SMYD3: variants seen among roughly 807,000 people sequenced by gnomAD.
The protein encoded by SMYD3 is SET and MYND domain containing 3, also known as histone-lysine N-methyltransferase SMYD3.
SMYD3 carries 36 observed loss-of-function variants against 57.7 expected under a neutral mutation model. The ratio of observed to expected loss-of-function variants is 0.62; its 90% CI spans 0.48 to 0.82. The LOEUF (loss-of-function observed/expected upper bound fraction) is 0.82, where lower values mean the gene tolerates loss of function less well. Among genes scored for constraint, SMYD3 ranks in the 40% least tolerant of loss-of-function variants. The pLI is 0.00. For synonymous variants in SMYD3, 211 were observed against 195.0 expected (o/e 1.08, Z -0.68); for missense variants, 515 against 538.8 (o/e 0.96, Z 0.44).
At chr1:245,955,162 G>A (rs1183222437) in intron 5 of SMYD3, among the ~76,000 whole-genome samples, 2 of 152,136 alleles carry the variant, frequency 1.3e-5, no homozygotes, top group African/African-American at 2.4e-5. Flanking sequence ...CGCGATCTCA[G>A]CTCACTGCAA....
At chr1:246,350,019 A>T (rs2065796993) in intron 2 of SMYD3, among the ~76,000 whole-genome samples, 1 of 152,242 alleles carries the variant, frequency 6.6e-6, no homozygotes, top group Non-Finnish European at 1.5e-5. Flanking sequence ...ACCATATGTC[A>T]TCCACAAGAA....
chr1:245,824,931 T>C (rs918488796), intron 10 of SMYD3, among the ~76,000 whole-genome samples: 3 of 151,008 alleles, frequency 2.0e-5, no homozygotes, highest in African/African-American at 7.3e-5. Flanking sequence ...CTCAGGAGGC[T>C]GAAGCAGGAA....
At chr1:246,111,689 C>T (rs964244135) in intron 5 of SMYD3, among the ~76,000 whole-genome samples, 1 of 152,178 alleles carries the variant, frequency 6.6e-6, no homozygotes, top group Non-Finnish European at 1.5e-5. Flanking sequence ...AAACGGTGCA[C>T]ATCCCCTTTG....
chr1:245,893,108 C>T (rs536657684), intron 8 of SMYD3, among the ~76,000 whole-genome samples: 2 of 152,242 alleles, frequency 1.3e-5, no homozygotes, highest in South Asian at 2.1e-4. Flanking sequence ...CACACAAACA[C>T]GTGAGAAAAC....
At chr1:245,978,394 C>T (rs2058506012) in intron 5 of SMYD3, among the ~76,000 whole-genome samples, 1 of 152,166 alleles carries the variant, frequency 6.6e-6, no homozygotes, top group Admixed American at 6.5e-5. Context: ...AAGTAAAATT[C>T]AACTAAGAGT....
intron 1 of SMYD3, among the ~76,000 whole-genome samples, chr1:246,474,828 G>A (rs2068007111): frequency 6.6e-6 from 1 of 152,126 alleles, no homozygotes; most frequent in Non-Finnish European, 1.5e-5. Flanking sequence ...TTTCCAAGAA[G>A]TTGCTACTGT....
chr1:246,452,369 T>G (rs916625058), intron 1 of SMYD3, among the ~76,000 whole-genome samples: 27 of 152,132 alleles, frequency 1.8e-4, no homozygotes, highest in Admixed American at 1.4e-3. Context: ...ATGGGTGGTG[T>G]TGTGCACCTG....
In SMYD3 at chr1:245,987,052, A is replaced by G. The variant is rs544778022; in HGVS notation, c.532-57115T>C. Among the ~76,000 whole-genome samples, 52 of 152,350 alleles carry G rather than the reference A, an allele frequency of 3.4e-4. 1 individual carries two copies. The highest frequency in any genetic ancestry group is 1.1e-3 in the African/African-American group (45 of 41,582). On this transcript the variant is annotated intron_variant, in intron 5 of 11. Transcript: ENST00000490107. ...TGCGGATGAATAGGAAAACGCTGAC[A>G]GATCCATGCGAGATAAAACGGATCA...
rs561206767 is a variant in SMYD3, at chr1:246,329,195, G to T, written c.394+1285C>A. Among the ~76,000 whole-genome samples the T allele has an allele frequency of 5.2e-4, 79 of 152,192 alleles. No individual in the cohort carries two copies. The East Asian group carries it at 0.011, about 22-fold the overall frequency. On this transcript the variant is annotated intron_variant, in intron 4 of 11. Transcript: ENST00000490107. ...TAGCAGCATGATTTATAGTCCTTTG[G>T]GTATATACCCAGTAATGGGATGGCT...
At chr1:245,956,774 G>T (rs749600249) in intron 5 of SMYD3, among the ~76,000 whole-genome samples, 23 of 152,198 alleles carry the variant, frequency 1.5e-4, no homozygotes, top group Non-Finnish European at 3.2e-4. Flanking sequence ...TTCCTTGCCT[G>T]CCAGCGAAGT....
At chr1:245,824,773 T>G (rs962322707) in intron 10 of SMYD3, among the ~76,000 whole-genome samples, 17 of 151,732 alleles carry the variant, frequency 1.1e-4, no homozygotes, top group Admixed American at 5.9e-4. Flanking sequence ...GGAGAATTGC[T>G]TGAACCCAGG....
At chr1:245,944,564 C>A (rs2057370056) in intron 5 of SMYD3, among the ~76,000 whole-genome samples, 1 of 152,152 alleles carries the variant, frequency 6.6e-6, no homozygotes, top group Admixed American at 6.5e-5. Context: ...AGCCATACTG[C>A]CCAAAGTAAT....
chr1:245,891,573 A>ATG (rs2053387035), intron 8 of SMYD3, among the ~76,000 whole-genome samples: 1 of 152,210 alleles, frequency 6.6e-6, no homozygotes, highest in African/African-American at 2.4e-5. Flanking sequence ...TCCTTCTGCT[A>ATG]TGTACACCCC....
chr1:245,848,411 T>A (rs1890820), intron 10 of SMYD3, among the ~76,000 whole-genome samples: 62,511 of 151,572 alleles, frequency 0.41, 13,466 homozygotes, highest in East Asian at 0.8. Context: ...ATGAGCCACC[T>A]TGACTGGATT....
intron 10 of SMYD3, among the ~76,000 whole-genome samples, chr1:245,811,561 C>T (rs1053608725): frequency 3.9e-5 from 6 of 152,144 alleles, no homozygotes; most frequent in Admixed American, 1.3e-4. Context: ...GTTTTTGGAA[C>T]AGTTAATGAT....
At chr1:246,394,154 C>T (rs2066617886) in intron 1 of SMYD3, among the ~76,000 whole-genome samples, 1 of 152,208 alleles carries the variant, frequency 6.6e-6, no homozygotes. Context: ...TTTCTGATTA[C>T]TCTTATCAAT....
chr1:246,382,375 A>G (rs572898824), intron 1 of SMYD3, among the ~76,000 whole-genome samples: 1 of 152,102 alleles, frequency 6.6e-6, no homozygotes, highest in African/African-American at 2.4e-5. Context: ...CCAGGCCAGC[A>G]CCCATGGACC....
rs530457466 is a variant in SMYD3 at position 245,820,939 on chromosome 1, A to G, written c.1076+37557T>C. 2.4e-3 allele frequency among the ~76,000 whole-genome samples: 362 copies of G among 151,462 alleles called. 2 individuals are homozygous for G. The highest frequency in any genetic ancestry group is 8.3e-3 in the African/African-American group (343 of 41,482). On this transcript the variant is annotated intron_variant, in intron 10 of 11. Transcript: ENST00000490107. ...GAACATTCCATGCTCATGGGTAGGA[A>G]GAATCAATATCGTGAAAATGGCCAT...
rs1383411761 is a variant in SMYD3, at chr1:245,774,698, C to CTT, written c.1077-10550_1077-10549insAA. Among the ~76,000 whole-genome samples, 8 of 126,900 alleles carry CTT rather than the reference C, an allele frequency of 6.3e-5. No individual in the cohort carries two copies. In the East Asian group the frequency reaches 1.6e-3, roughly 25 times the overall value. 83.3% of individuals were successfully genotyped at this position (126,900 alleles called of 152,430 possible). Reference sequence around the variant, plus strand: ...CTCCCTTTCCCACGGTCTCCCTCTCCCTCTCCACGGTCTCCCTCTCCCTCT... The same window carrying CTT: ...CTCCCTTTCCCACGGTCTCCCTCTCCTTCTCTCCACGGTCTCCCTCTCCCTCT... On this transcript the variant is annotated intron_variant, in intron 10 of 11. Coordinates refer to ENST00000490107, the MANE Select transcript of SMYD3 (RefSeq NM_001167740.2).
Sources: gnomAD v4.1 joint callset for allele counts (sites outside exome capture counted in the v4.1 genomes callset) on GRCh38, gnomAD v4.1.1 for gene constraint, MANE v1.5 for transcripts, NCBI Gene and HGNC (gene_info 2026-07-23, HGNC 2026-07-21) for gene names.